COL25A1: variants seen among roughly 807,000 people sequenced by gnomAD.
The protein encoded by COL25A1 is collagen alpha-1(XXV) chain.
A neutral mutation model predicts 128.4 loss-of-function variants in COL25A1; 103 were observed. The observed-to-expected ratio is 0.80, with a 90% CI of 0.68 to 0.94. The LOEUF is 0.94. COL25A1 is among the 40% of genes least tolerant of loss of function. The pLI is 0.00. For synonymous variants in COL25A1, 279 were observed against 277.2 expected (o/e 1.01, Z -0.06); for missense variants, 745 against 840.0 (o/e 0.89, Z 1.40).
At chr4:109,161,067 G>A (rs1389378261) in intron 3 of COL25A1, among the ~76,000 whole-genome samples, 2 of 151,946 alleles carry the variant, frequency 1.3e-5, no homozygotes, top group African/African-American at 2.4e-5. Context: ...CAAACTCCTG[G>A]CCTCAAGCGA....
At chr4:108,910,210 T>C (rs1221744937) in intron 13 of COL25A1, among the ~76,000 whole-genome samples, 2 of 152,216 alleles carry the variant, frequency 1.3e-5, no homozygotes, top group African/African-American at 2.4e-5. Flanking sequence ...ATAGTTTGAA[T>C]GATAAATTAT....
At chr4:109,295,663 T>C (rs1294056331) in intron 3 of COL25A1, among the ~76,000 whole-genome samples, 3 of 152,032 alleles carry the variant, frequency 2.0e-5, no homozygotes, top group African/African-American at 4.8e-5. Flanking sequence ...GTTAGAAAGG[T>C]AATTTAAAGG....
chr4:108,872,705 C>CATATACATATATACACACACACAT (rs1738902716), intron 19 of COL25A1, among the ~76,000 whole-genome samples: 3 of 151,600 alleles, frequency 2.0e-5, no homozygotes, highest in Admixed American at 2.0e-4. Context: ...CACACACACA[C>CATATACATATATACACACACACAT]ACATATACAT....
At chr4:109,054,890 A>G (rs1425350) in intron 3 of COL25A1, among the ~76,000 whole-genome samples, 75,285 of 151,940 alleles carry the variant, frequency 0.5, 20,373 homozygotes, top group African/African-American at 0.7. Flanking sequence ...CACCCCAAAC[A>G]ATCCCTGAAC....
chr4:108,942,495 G>A (rs1299873497), intron 8 of COL25A1, among the ~76,000 whole-genome samples: 1 of 146,866 alleles, frequency 6.8e-6, no homozygotes, highest in Non-Finnish European at 1.5e-5. Context: ...TCAGGCTGGA[G>A]TGCAGTGGCC....
rs541781110 is a variant in COL25A1 at position 108,997,408 on chromosome 4, C to A, written c.438+12950G>T. 2.0e-5 allele frequency among the ~76,000 whole-genome samples: 3 copies of A among 152,234 alleles called. No individual in the cohort carries two copies. In the South Asian group the frequency reaches 6.2e-4, roughly 32 times the overall value. ...ATAAATTCCTGGATACTTACAACCT[C>A]CCAAAACTAAACCAGGAAGAAGCTG... On this transcript the variant is annotated intron_variant, in intron 6 of 37. Transcript: ENST00000399132.
intron 3 of COL25A1, among the ~76,000 whole-genome samples, chr4:109,225,200 C>A (rs1270051267): frequency 6.6e-6 from 1 of 152,138 alleles, no homozygotes; most frequent in Admixed American, 6.5e-5. Flanking sequence ...CCACAAAGAA[C>A]TCTTTTCAGT....
chr4:108,946,281 C>A (rs986963084), intron 8 of COL25A1, among the ~76,000 whole-genome samples: 1 of 152,130 alleles, frequency 6.6e-6, no homozygotes, highest in Non-Finnish European at 1.5e-5. Context: ...TACTTAGAGG[C>A]CATACATTCA....
chr4:108,903,883 T>C (rs1187522308), intron 13 of COL25A1, among the ~76,000 whole-genome samples: 2 of 152,112 alleles, frequency 1.3e-5, no homozygotes, highest in Non-Finnish European at 2.9e-5. Flanking sequence ...CAGTTTTAAA[T>C]TTTTCACTTG....
chr4:109,052,109 T>C (rs1761054399), intron 3 of COL25A1, among the ~76,000 whole-genome samples: 1 of 152,196 alleles, frequency 6.6e-6, no homozygotes, highest in Admixed American at 6.5e-5. Context: ...CCCTGAAGAA[T>C]GTGTCTTTCA....
At chr4:109,101,826 C>CT (rs1425449547) in intron 3 of COL25A1, among the ~76,000 whole-genome samples, 1 of 152,204 alleles carries the variant, frequency 6.6e-6, no homozygotes, top group Non-Finnish European at 1.5e-5. Context: ...TTGGGCCCCC[C>CT]TTTCACACAT....
At chr4:108,912,800 T>C (rs1475718642) in intron 13 of COL25A1, among the ~76,000 whole-genome samples, 1 of 152,124 alleles carries the variant, frequency 6.6e-6, no homozygotes, top group Non-Finnish European at 1.5e-5. Context: ...TAAATATACT[T>C]ACAATAAAAA....
chr4:109,073,482 ATCT>A (rs2125985471), intron 3 of COL25A1, among the ~76,000 whole-genome samples: 1 of 152,210 alleles, frequency 6.6e-6, no homozygotes, highest in South Asian at 2.1e-4. Flanking sequence ...ATCGCTGCAG[ATCT>A]TCTTTAATAA....
chr4:109,258,164 G>A (rs955904455), intron 3 of COL25A1, among the ~76,000 whole-genome samples: 7 of 151,580 alleles, frequency 4.6e-5, no homozygotes, highest in Non-Finnish European at 1.0e-4. Flanking sequence ...TTGGTCTCCA[G>A]TTTGTGCCCT....
At chr4:109,279,962 T>C (rs1464474197) in intron 3 of COL25A1, among the ~76,000 whole-genome samples, 3 of 152,204 alleles carry the variant, frequency 2.0e-5, no homozygotes, top group Admixed American at 1.3e-4. Flanking sequence ...CTTAGGATAC[T>C]GAAAGATGAG....
intron 34 of COL25A1, 78 bp from the exon 35 acceptor site, chr4:108,824,305 T>C (rs1166830436): frequency 6.8e-6 from 7 of 1,021,912 alleles, no homozygotes; most frequent in Non-Finnish European, 1.0e-5. Context: ...TATTTTAGGA[T>C]TTTACATTTC....
At chr4:108,903,893 G>A (rs912979010) in intron 13 of COL25A1, among the ~76,000 whole-genome samples, 1 of 151,938 alleles carries the variant, frequency 6.6e-6, no homozygotes, top group Non-Finnish European at 1.5e-5. Flanking sequence ...TTTTTCACTT[G>A]TAAGCTTAAA....
intron 3 of COL25A1, among the ~76,000 whole-genome samples, chr4:109,097,766 C>T (rs993523797): frequency 8.7e-5 from 13 of 148,986 alleles, no homozygotes; most frequent in South Asian, 4.2e-4. Flanking sequence ...TGGGTTCAGG[C>T]GATTCTCCTG....
At chr4:109,155,351 CT>C (rs2126109173) in intron 3 of COL25A1, among the ~76,000 whole-genome samples, 1 of 152,296 alleles carries the variant, frequency 6.6e-6, no homozygotes, top group East Asian at 1.9e-4. Flanking sequence ...ATCACTCCCA[CT>C]TTTACAGTCA....
Sources: gnomAD v4.1 joint callset for allele counts (sites outside exome capture counted in the v4.1 genomes callset) on GRCh38, gnomAD v4.1.1 for gene constraint, MANE v1.5 for transcripts, NCBI Gene and HGNC (gene_info 2026-07-23, HGNC 2026-07-21) for gene names.